Variants in PXDN observed in about 807,000 individuals in gnomAD.
The protein encoded by PXDN is peroxidasin.
A neutral mutation model predicts 140.3 loss-of-function variants in PXDN; 77 were observed. That is an observed-to-expected ratio of 0.55 (90% confidence interval 0.46 to 0.66). The LOEUF is 0.66. PXDN is among the 30% of genes least tolerant of loss of function. The probability of loss-of-function intolerance (pLI) is 0.00; values close to 1 mark genes in which losing one functional copy is unlikely to be tolerated. For missense variants in PXDN, 1,838 were observed against 2,039.5 expected, an observed-to-expected ratio of 0.90 and a Z score of 1.90; for synonymous variants, 911 against 857.4, an observed-to-expected ratio of 1.06 and a Z score of -1.09.
At chr2:1,713,970 C>T (rs1032773430) in intron 1 of PXDN, among the ~76,000 whole-genome samples, 3 of 152,352 alleles carry the variant, frequency 2.0e-5, no homozygotes, top group South Asian at 4.1e-4. Flanking sequence ...CTGTGCGGGC[C>T]AGGCACGTGG....
At position 1,684,105 on chromosome 2, in the gene PXDN, G is replaced by A; in HGVS notation, c.463C>T (p.Gln155Ter). ...AGCCTCTCGAGCTTCGGGAGATGCT[G>A]GAACGAATCTGGGTCCAAAGTTTCT... Reference protein sequence around the residue: ...QIETLDPDSFQHLPKLERLFL... With the variant: ...QIETLDPDSF The change falls in exon 5 of 23, where the codon CAG becomes TAG. Residue 155 changes from glutamine to a stop codon, truncating the protein, a stop_gained. Transcript: ENST00000252804. LOFTEE classifies it high-confidence loss of function. 1 of 1,587,694 alleles carries A rather than the reference G, an allele frequency of 6.3e-7. No individual in the cohort carries two copies. The highest frequency in any genetic ancestry group is 8.6e-7 in the Non-Finnish European group (1 of 1,166,432).
intron 17 of PXDN, among the ~76,000 whole-genome samples, chr2:1,645,185 A>T (rs1385864654): frequency 1.3e-5 from 2 of 152,224 alleles, no homozygotes; most frequent in Non-Finnish European, 2.9e-5. Flanking sequence ...ATACATTTTT[A>T]AAGAATAACA....
At chr2:1,696,149 T>C (rs923241203) in intron 1 of PXDN, among the ~76,000 whole-genome samples, 4 of 152,276 alleles carry the variant, frequency 2.6e-5, no homozygotes, top group African/African-American at 9.6e-5. Flanking sequence ...ATTGAGTGCA[T>C]GCTGAAACAT....
intron 13 of PXDN, 144 bp from the exon 14 acceptor site, chr2:1,661,181 G>A (rs1053573000): frequency 8.8e-6 from 8 of 907,124 alleles, no homozygotes; most frequent in Non-Finnish European, 1.3e-5. Context: ...ATCCAGGCCT[G>A]GAAAGCGAAG....
In PXDN at chr2:1,634,038, G is replaced by T; in HGVS notation, c.*166C>A. On this transcript the variant is annotated 3_prime_UTR_variant, in exon 23 of 23. Coordinates refer to ENST00000252804, the MANE Select transcript of PXDN (RefSeq NM_012293.3). ...GTGCCTCCTTCTCCGCAGATGCTCT[G>T]GTTGGAAGCCTCCTGCACTGCCTTC... 1 of 1,054,546 alleles carries T rather than the reference G, an allele frequency of 9.5e-7. No individual in the cohort carries two copies. The highest frequency in any genetic ancestry group is 1.3e-6 in the Non-Finnish European group (1 of 762,146). The allele number at this position is 1,054,546 out of a possible 1,614,324, so 65.3% of individuals were successfully genotyped here.
At chr2:1,638,201 G>C (rs1203244496) in intron 21 of PXDN, among the ~76,000 whole-genome samples, 3 of 152,144 alleles carry the variant, frequency 2.0e-5, no homozygotes, top group Non-Finnish European at 4.4e-5. Context: ...CACACCAGCG[G>C]AGTGAGCGCA....
chr2:1,648,409 AC>A lies in PXDN; in HGVS notation c.3370del (p.Val1124TrpfsTer12). On this transcript the variant is annotated frameshift_variant, in exon 17 of 23. Transcript: ENST00000252804. LOFTEE classifies it high-confidence loss of function. This position sits in a 1 kb window ranked among gnomAD's most constrained non-coding sequence, Gnocchi z 8.9. ...IDPLLRGLFGVAGKMRVPSQL... is the reference protein window; with the variant it reads ...IDPLLRGLFGXAGKMRVPSQL... Reference sequence around the variant, plus strand: ...CGAGGGCACACGCATTTTCCCCGCCACCCCGAACAGCCCCCTGAGAAGCGGA... The same window carrying A: ...CGAGGGCACACGCATTTTCCCCGCCACCCGAACAGCCCCCTGAGAAGCGGA... 1 of 1,611,758 alleles carries A rather than the reference AC, an allele frequency of 6.2e-7. No individual in the cohort carries two copies. The highest frequency in any genetic ancestry group is 8.5e-7 in the Non-Finnish European group (1 of 1,179,846).
intron 1 of PXDN, among the ~76,000 whole-genome samples, chr2:1,743,940 C>T (rs1476143238): frequency 6.6e-6 from 1 of 151,674 alleles, no homozygotes; most frequent in Non-Finnish European, 1.5e-5. Flanking sequence ...GGGGGAGCCC[C>T]GGAGGCTCCA....
intron 9 of PXDN, 79 bp downstream of exon 9, chr2:1,673,564 G>A (rs1180783329): frequency 8.1e-6 from 12 of 1,490,218 alleles, no homozygotes; most frequent in Non-Finnish European, 1.1e-5. Context: ...CTTATTTTGG[G>A]GTGCAAGGAA....
chr2:1,707,109 G>C (rs111914371), intron 1 of PXDN, among the ~76,000 whole-genome samples: 9 of 75,984 alleles, frequency 1.2e-4, no homozygotes, highest in African/African-American at 6.1e-5. Flanking sequence ...GCACGCTGCA[G>C]TGCTCACCAA....
chr2:1,711,580 C>T (rs796490576), intron 1 of PXDN, among the ~76,000 whole-genome samples: 9 of 70,598 alleles, frequency 1.3e-4, no homozygotes, highest in South Asian at 5.4e-4. Context: ...TCCACCAGCA[C>T]CCACTCCACC....
chr2:1,686,746 G>C (rs961696886), intron 4 of PXDN, among the ~76,000 whole-genome samples: 3 of 152,144 alleles, frequency 2.0e-5, no homozygotes, highest in African/African-American at 7.2e-5. Context: ...CATGAGCACC[G>C]TGGGTCCTCA....
chr2:1,677,440 C>G (rs888362635), intron 7 of PXDN, among the ~76,000 whole-genome samples: 1 of 152,236 alleles, frequency 6.6e-6, no homozygotes, highest in African/African-American at 2.4e-5. Context: ...TAAAGCGTCC[C>G]TGAAAGAATA....
At chr2:1,724,224 C>CT (rs1685120066) in intron 1 of PXDN, among the ~76,000 whole-genome samples, 1 of 151,794 alleles carries the variant, frequency 6.6e-6, no homozygotes, top group Non-Finnish European at 1.5e-5. Context: ...AAATATTAAT[C>CT]TAAGAGTTTC....
chr2:1,644,071 CAAAAAA>C (rs74164529), intron 18 of PXDN, among the ~76,000 whole-genome samples: 548 of 38,406 alleles, frequency 0.014, 1 homozygote, highest in African/African-American at 0.063. Flanking sequence ...GACTCTGTCT[CAAAAAA>C]AAAAAAAAAA....
chr2:1,704,932 A>G (rs1365906523), intron 1 of PXDN, among the ~76,000 whole-genome samples: 1 of 152,146 alleles, frequency 6.6e-6, no homozygotes, highest in African/African-American at 2.4e-5. Flanking sequence ...CCATTATCAC[A>G]TGACATTAAT....
intron 11 of PXDN, 197 bp from the exon 12 acceptor site, chr2:1,663,960 TCAGA>T (rs1464355911): frequency 1.6e-6 from 1 of 609,184 alleles, no homozygotes; most frequent in Non-Finnish European, 2.9e-6. Context: ...CACCCGTAAC[TCAGA>T]CAGAGGGGTT....
intron 12 of PXDN, among the ~76,000 whole-genome samples, chr2:1,662,601 A>G (rs1683331545): frequency 6.6e-6 from 1 of 152,196 alleles, no homozygotes; most frequent in African/African-American, 2.4e-5. Context: ...AGAAGGAAAC[A>G]GAGGGGAGCT....
Position 1,692,076 on chromosome 2 carries a change from G to C in PXDN, c.273-77C>G. ...GAAGTTGTGTTAAAACATTCCGACA[G>C]CCTTGGAAAAGGTCACATTGACAAT... On this transcript the variant is annotated intron_variant, in intron 2 of 22. Transcript: ENST00000252804. The C allele has an allele frequency of 4.6e-6, 5 of 1,098,352 alleles. No homozygotes were observed. In the South Asian group the frequency reaches 6.1e-5, roughly 13 times the overall value. 68.0% of individuals were successfully genotyped at this position (1,098,352 alleles called of 1,614,324 possible).
Sources: allele counts gnomAD v4.1 joint callset (sites outside exome capture counted in the v4.1 genomes callset), GRCh38; gene constraint gnomAD v4.1.1; non-coding constraint Gnocchi (gnomAD v3.1); transcripts MANE v1.5; gene names NCBI Gene and HGNC (gene_info 2026-07-23, HGNC 2026-07-21).